Variants in MOB1B observed in about 807,000 individuals in gnomAD.
MOB1B encodes MOB kinase activator 1B.
MOB1B carries 19 observed loss-of-function variants against 24.4 expected under a neutral mutation model. That is an observed-to-expected ratio of 0.78 (90% CI 0.54 to 1.14). The LOEUF (loss-of-function observed/expected upper bound fraction) is 1.14, where lower values mean the gene tolerates loss of function less well. MOB1B is among the 50% of genes most tolerant of loss of function. MOB1B has a pLI of 0.00. For missense variants in MOB1B, 243 were observed against 259.6 expected (o/e 0.94, Z 0.44); for synonymous variants, 76 against 82.1 (o/e 0.93, Z 0.40).
chr4:70,940,527 A>G (rs1212212851), intron 1 of MOB1B, among the ~76,000 whole-genome samples: 1 of 152,212 alleles, frequency 6.6e-6, no homozygotes, highest in Admixed American at 6.5e-5. Context: ...TGCCCGTATT[A>G]GGTATCCTAG....
chr4:70,926,518 G>A (rs1390284194), intron 1 of MOB1B, among the ~76,000 whole-genome samples: 2 of 152,128 alleles, frequency 1.3e-5, no homozygotes, highest in Admixed American at 1.3e-4. Context: ...TATAAACACT[G>A]TCATTATCTC....
chr4:70,927,030 G>T (rs532429757), intron 1 of MOB1B, among the ~76,000 whole-genome samples: 1 of 151,774 alleles, frequency 6.6e-6, no homozygotes, highest in Non-Finnish European at 1.5e-5. Flanking sequence ...ATAAGATGCG[G>T]TCTCTGTCCT....
At chr4:70,949,470 CT>C (rs1737715093) in intron 1 of MOB1B, among the ~76,000 whole-genome samples, 1 of 152,310 alleles carries the variant, frequency 6.6e-6, no homozygotes, top group South Asian at 2.1e-4. Context: ...GCATGTCTGC[CT>C]TTCTGAAAGC....
intron 1 of MOB1B, among the ~76,000 whole-genome samples, chr4:70,913,708 G>T (rs755552287): frequency 3.3e-5 from 5 of 151,990 alleles, no homozygotes; most frequent in African/African-American, 4.8e-5. Context: ...CCACTGTAAG[G>T]TTATTATTAT....
At chr4:70,935,681 AG>A (rs902919223) in intron 1 of MOB1B, among the ~76,000 whole-genome samples, 1 of 150,574 alleles carries the variant, frequency 6.6e-6, no homozygotes, top group African/African-American at 2.4e-5. Flanking sequence ...CTTTTGAGAC[AG>A]GGTCTTACTC....
At chr4:70,909,390 C>T (rs1735888342) in intron 1 of MOB1B, among the ~76,000 whole-genome samples, 2 of 151,904 alleles carry the variant, frequency 1.3e-5, no homozygotes, top group Admixed American at 6.6e-5. Flanking sequence ...TGCCTGTAAT[C>T]CCAGCACGTT....
intron 2 of MOB1B, among the ~76,000 whole-genome samples, chr4:70,963,995 CAGAT>C (rs975962384): frequency 6.6e-6 from 1 of 152,024 alleles, no homozygotes; most frequent in African/African-American, 2.4e-5. Flanking sequence ...CGTGTTATGT[CAGAT>C]AAAGTAGACT....
intron 1 of MOB1B, among the ~76,000 whole-genome samples, chr4:70,923,773 C>A (rs1190527002): frequency 6.6e-6 from 1 of 151,520 alleles, no homozygotes. Context: ...CTCGATGAAA[C>A]CCCCTCTCTA....
At chr4:70,913,224 A>G (rs1736065363) in intron 1 of MOB1B, among the ~76,000 whole-genome samples, 1 of 152,040 alleles carries the variant, frequency 6.6e-6, no homozygotes, top group Non-Finnish European at 1.5e-5. Flanking sequence ...CACAGAAGCC[A>G]TGTATGTTTT....
intron 1 of MOB1B, among the ~76,000 whole-genome samples, chr4:70,924,995 A>G (rs1255558081): frequency 6.6e-6 from 1 of 152,196 alleles, no homozygotes; most frequent in Non-Finnish European, 1.5e-5. Flanking sequence ...ACAGCTAGAC[A>G]TTTGGGAACC....
rs556290419 is a variant in MOB1B at position 70,949,783 on chromosome 4, A to G, written c.15-9091A>G. ...ATGGTGGCGTGAACCTGTGGTCCCA[A>G]CTACTTGGGAGGCCGAGGTGGAAGG... On this transcript the variant is annotated intron_variant, in intron 1 of 5. Transcript: ENST00000309395. Among the ~76,000 whole-genome samples the G allele has an allele frequency of 1.3e-3, 194 of 152,052 alleles. 2 individuals carry two copies. Among genetic ancestry groups the G allele is most frequent in the African/African-American group, 4.4e-3 (184 of 41,522 alleles).
intron 1 of MOB1B, among the ~76,000 whole-genome samples, chr4:70,943,050 G>A (rs1390784709): frequency 7.2e-5 from 11 of 152,158 alleles, no homozygotes. Context: ...GAACTTAAGT[G>A]TATAGTTAAA....
intron 1 of MOB1B, among the ~76,000 whole-genome samples, chr4:70,912,428 C>T (rs1014726420): frequency 4.6e-5 from 7 of 151,730 alleles, no homozygotes; most frequent in East Asian, 1.9e-4. Context: ...TACAGGTGCC[C>T]GCCACCACAC....
intron 3 of MOB1B, 145 bp from the exon 4 acceptor site, chr4:70,975,008 G>T: frequency 3.7e-6 from 2 of 543,810 alleles, no homozygotes; most frequent in Non-Finnish European, 5.7e-6. Flanking sequence ...TAGTCCACTG[G>T]GTATTTAAAA....
chr4:70,950,614 A>G, intron 1 of MOB1B: 1 of 572,280 alleles, frequency 1.7e-6, no homozygotes, highest in South Asian at 2.2e-5. Flanking sequence ...GGATTAAATG[A>G]GATATATTGC....
intron 1 of MOB1B, among the ~76,000 whole-genome samples, chr4:70,948,015 A>G (rs1181952104): frequency 6.6e-6 from 1 of 151,946 alleles, no homozygotes; most frequent in Non-Finnish European, 1.5e-5. Flanking sequence ...GGTCACATAG[A>G]TTTTCTTCTA....
At chr4:70,955,426 A>C (rs111958851) in intron 1 of MOB1B, among the ~76,000 whole-genome samples, 28 of 148,328 alleles carry the variant, frequency 1.9e-4, no homozygotes, top group African/African-American at 6.7e-4. Flanking sequence ...AATTAGTAAA[A>C]TGTCTTTTTT....
At chr4:70,936,580 G>A (rs954798317) in intron 1 of MOB1B, among the ~76,000 whole-genome samples, 7 of 152,000 alleles carry the variant, frequency 4.6e-5, no homozygotes, top group African/African-American at 7.2e-5. Flanking sequence ...GTATTATATA[G>A]TCCTGCACCA....
chr4:70,937,237 T>C (rs1737122625), intron 1 of MOB1B, among the ~76,000 whole-genome samples: 1 of 151,968 alleles, frequency 6.6e-6, no homozygotes. Flanking sequence ...TTTTTATTGG[T>C]TTTTTGATTT....
Sources: allele counts gnomAD v4.1 joint callset (sites outside exome capture counted in the v4.1 genomes callset), GRCh38; gene constraint gnomAD v4.1.1; transcripts MANE v1.5; gene names NCBI Gene and HGNC (gene_info 2026-07-23, HGNC 2026-07-21).